CDH22: variants seen among roughly 807,000 people sequenced by gnomAD.
CDH22 encodes cadherin-22.
A neutral mutation model predicts 58.4 loss-of-function variants in CDH22; 30 were observed. That is an observed-to-expected ratio of 0.51 (90% confidence interval 0.38 to 0.70). The LOEUF is 0.70. Ranked by LOEUF, CDH22 falls within the 30% of genes least tolerant of loss-of-function variation. CDH22 has a pLI of 0.00. For synonymous variants in CDH22, 513 were observed against 558.2 expected (o/e 0.92, Z 1.14); for missense variants, 1,014 against 1,233.9 (o/e 0.82, Z 2.67).
In CDH22 at chr20:46,174,468, G is replaced by T. The variant is rs1268375816; in HGVS notation, c.*38C>A. ...GTCCTGGGGCCCCGGCGTGTGCTGG[G>T]CGGGTGAGCAGCCGCGCCCCGACGG... On this transcript the variant is annotated 3_prime_UTR_variant, in exon 12 of 12. Transcript: ENST00000537909. The surrounding 1 kb of genome is among the most constrained non-coding windows in gnomAD (Gnocchi z 4.4). 7.3e-7 allele frequency: 1 copy of T among 1,367,892 alleles called. No homozygotes were observed. Among genetic ancestry groups the T allele is most frequent in the Non-Finnish European group, 9.6e-7 (1 of 1,046,820 alleles). 84.7% of individuals were successfully genotyped at this position (1,367,892 alleles called of 1,614,324 possible). A position where few individuals can be genotyped will look rare whatever the true frequency, so the allele number is the denominator to read the frequency against.
intron 8 of CDH22, among the ~76,000 whole-genome samples, chr20:46,190,700 C>G (rs568328523): frequency 6.6e-6 from 1 of 152,188 alleles, no homozygotes; most frequent in Non-Finnish European, 1.5e-5. Flanking sequence ...ATTGACAGCC[C>G]GGGGCTGAGC....
At position 46,177,939 on chromosome 20, in the gene CDH22, G is replaced by C. The variant is rs1438149420; in HGVS notation, c.1915+7C>G. 13 of 1,613,084 alleles carry C rather than the reference G, an allele frequency of 8.1e-6. No individual in the cohort carries two copies. The highest frequency in any genetic ancestry group is 1.7e-5 in the Admixed American group (1 of 59,980). The stretch of plus-strand genomic sequence containing the variant: ...AGGCAGGGCTGGGTGGCTCTCGATG[G>C]ACTCACCAACCAGGATGAGAACGCA... On this transcript the variant is annotated splice_region_variant and intron_variant, in intron 11 of 11. Coordinates refer to ENST00000537909, the MANE Select transcript of CDH22 (RefSeq NM_021248.3).
At chr20:46,280,726 A>G (rs919624482) in intron 1 of CDH22, among the ~76,000 whole-genome samples, 3 of 152,204 alleles carry the variant, frequency 2.0e-5, no homozygotes, top group Admixed American at 2.0e-4. Context: ...AGTGACCTTG[A>G]GCAATCCACT....
At chr20:46,181,752 C>CTTCCTTCGTTCGTTCTTTCTTTCTTTCT in intron 10 of CDH22, among the ~76,000 whole-genome samples, 2 of 26,272 alleles carry the variant, frequency 7.6e-5, no homozygotes, top group Non-Finnish European at 1.7e-4. Context: ...TCCTTCCTTC[C>CTTCCTTCGTTCGTTCTTTCTTTCTTTCT]TTCTTTCTTT....
chr20:46,188,248 C>T (rs1357903635), intron 8 of CDH22, among the ~76,000 whole-genome samples: 3 of 152,206 alleles, frequency 2.0e-5, no homozygotes, highest in Non-Finnish European at 2.9e-5. Context: ...TCAGTTTCCA[C>T]ACCTGGAAAA....
intron 4 of CDH22, among the ~76,000 whole-genome samples, chr20:46,221,523 T>C (rs1415248616): frequency 2.0e-5 from 3 of 152,204 alleles, no homozygotes; most frequent in African/African-American, 2.4e-5. Context: ...GTCTCAGGAC[T>C]GTGTTCCAGG....
chr20:46,295,994 C>A (rs952729862), intron 1 of CDH22, among the ~76,000 whole-genome samples: 2 of 152,170 alleles, frequency 1.3e-5, no homozygotes, highest in African/African-American at 4.8e-5. Context: ...AACTCCTGGC[C>A]TCAAGTGATC....
chr20:46,224,152 T>G (rs1372064317), intron 4 of CDH22, among the ~76,000 whole-genome samples: 1 of 152,196 alleles, frequency 6.6e-6, no homozygotes, highest in East Asian at 1.9e-4. Context: ...CATGCCTGGC[T>G]GTGAAGTCTT....
At chr20:46,226,922 G>A (rs1323408640) in intron 4 of CDH22, among the ~76,000 whole-genome samples, 3 of 152,184 alleles carry the variant, frequency 2.0e-5, no homozygotes, top group East Asian at 3.8e-4. Flanking sequence ...TAATGTCACC[G>A]TGAGTGAAGT....
intron 10 of CDH22, among the ~76,000 whole-genome samples, chr20:46,178,896 G>T (rs895512582): frequency 2.0e-5 from 3 of 152,158 alleles, no homozygotes; most frequent in Non-Finnish European, 2.9e-5. Context: ...CTGATGAGGG[G>T]CCCTGGAGCA....
chr20:46,192,414 G>T (rs1260379051), intron 8 of CDH22, among the ~76,000 whole-genome samples: 1 of 152,102 alleles, frequency 6.6e-6, no homozygotes, highest in Non-Finnish European at 1.5e-5. Flanking sequence ...CCCTCTTCCT[G>T]CCTCTCTCTT....
intron 1 of CDH22, among the ~76,000 whole-genome samples, chr20:46,272,089 C>T (rs2086493070): frequency 6.6e-6 from 1 of 152,240 alleles, no homozygotes; most frequent in Admixed American, 6.5e-5. Context: ...CTCATCCCTG[C>T]ACCCCCAATG....
At chr20:46,263,749 C>T (rs925848813) in intron 1 of CDH22, among the ~76,000 whole-genome samples, 2 of 152,066 alleles carry the variant, frequency 1.3e-5, no homozygotes, top group Non-Finnish European at 2.9e-5. Flanking sequence ...GCTAGGGAAA[C>T]AGCTGAGGAC....
At chr20:46,305,935 C>T (rs978260411) in intron 1 of CDH22, among the ~76,000 whole-genome samples, 42 of 152,338 alleles carry the variant, frequency 2.8e-4, no homozygotes, top group Admixed American at 3.9e-4. Context: ...GGGGTTCCAA[C>T]CTCTAGGTAT....
intron 4 of CDH22, among the ~76,000 whole-genome samples, chr20:46,224,991 G>A (rs1188307920): frequency 1.3e-5 from 2 of 152,198 alleles, no homozygotes; most frequent in African/African-American, 4.8e-5. Flanking sequence ...TCCTGCCTCT[G>A]AGCCAAGCTC....
rs142099862 is a variant in CDH22, at chr20:46,265,750, T to C, written c.-399-14057A>G. On this transcript the variant is annotated intron_variant, in intron 1 of 11. Transcript: ENST00000537909. ...TGCATAGTACTCCATTGCATGAATA[T>C]ACCGTGACTTAGAAATCCATTCATC... Among the ~76,000 whole-genome samples the C allele has an allele frequency of 7.2e-5, 11 of 152,328 alleles. No homozygotes were observed. In the East Asian group the frequency reaches 1.9e-3, roughly 27 times the overall value.
chr20:46,184,301 G>T (rs2085809819), intron 10 of CDH22, among the ~76,000 whole-genome samples: 1 of 152,112 alleles, frequency 6.6e-6, no homozygotes, highest in Admixed American at 6.5e-5. Context: ...GTTTCACCAT[G>T]TTGGCCAGGC....
At chr20:46,228,114 A>T (rs2086193068) in intron 3 of CDH22, among the ~76,000 whole-genome samples, 1 of 152,094 alleles carries the variant, frequency 6.6e-6, no homozygotes, top group Admixed American at 6.5e-5. Context: ...CATTCTACCC[A>T]CTCCAGCTCC....
intron 1 of CDH22, among the ~76,000 whole-genome samples, chr20:46,269,400 AATAAAATAATAAATAGT>A (rs2086476832): frequency 1.3e-5 from 2 of 152,360 alleles, no homozygotes; most frequent in South Asian, 4.1e-4. Flanking sequence ...ATCTTCCGCC[AATAAAATAATAAATAGT>A]ACTGAGCATA....
Sources: gnomAD v4.1 joint callset for allele counts (sites outside exome capture counted in the v4.1 genomes callset) on GRCh38, gnomAD v4.1.1 for gene constraint, Gnocchi (gnomAD v3.1) non-coding constraint, MANE v1.5 for transcripts, NCBI Gene and HGNC (gene_info 2026-07-23, HGNC 2026-07-21) for gene names.